Variants in PIP5K1B observed in about 807,000 individuals in gnomAD.
PIP5K1B encodes the protein phosphatidylinositol-4-phosphate 5-kinase type 1 beta.
In PIP5K1B, 42 loss-of-function variants were observed where a neutral mutation model predicts 67.0. The ratio of observed to expected loss-of-function variants is 0.63; its 90% CI spans 0.49 to 0.81. The LOEUF is 0.81. PIP5K1B is among the 30% of genes least tolerant of loss of function. The pLI is 0.00. For synonymous variants in PIP5K1B, 214 were observed against 231.4 expected (o/e 0.92, Z 0.68); for missense variants, 459 against 646.3 (o/e 0.71, Z 3.14).
intron 14 of PIP5K1B, chr9:68,963,358 CTGGGCGTGG>C (rs1828848855): frequency 5.2e-6 from 2 of 381,822 alleles, no homozygotes; most frequent in Non-Finnish European, 1.1e-5. Context: ...CAAACATTAG[CTGGGCGTGG>C]TGGTGCATGC....
chr9:68,932,959 G>A (rs1156834531), intron 12 of PIP5K1B, among the ~76,000 whole-genome samples: 2 of 152,042 alleles, frequency 1.3e-5, no homozygotes. Flanking sequence ...AATTAGCCAG[G>A]CATGGTGGCG....
At chr9:68,819,969 T>C (rs1833650751) in intron 3 of PIP5K1B, among the ~76,000 whole-genome samples, 1 of 152,216 alleles carries the variant, frequency 6.6e-6, no homozygotes, top group South Asian at 2.1e-4. Context: ...TTCCCTACTG[T>C]CAAGTCAGGG....
intron 5 of PIP5K1B, among the ~76,000 whole-genome samples, chr9:68,875,395 T>G (rs547249427): frequency 1.7e-4 from 25 of 147,370 alleles, no homozygotes; most frequent in African/African-American, 5.8e-4. Context: ...ACTTCCTAAA[T>G]AGTTTTCAAG....
chr9:68,923,367 A>G lies in PIP5K1B; in HGVS notation c.1182A>G (p.Arg394=). 6.3e-7 allele frequency: 1 copy of G among 1,583,044 alleles called. No individual in the cohort carries two copies. Among genetic ancestry groups the G allele is most frequent in the Non-Finnish European group, 8.6e-7 (1 of 1,158,202 alleles). The part of the protein sequence containing the change: ...ADRFLKFMNS[R]VFKKIQALKA... ...GATTTCTTAAGTTCATGAATTCCAG[A>G]GTTTTCAAGAAAATTCAAGGTAAGA... The change falls in exon 12 of 16, where the codon AGA becomes AGG. Residue 394 remains arginine (R), a synonymous_variant. Transcript: ENST00000265382.
chr9:68,900,170 A>T (rs1214344090), intron 8 of PIP5K1B, among the ~76,000 whole-genome samples: 3 of 152,134 alleles, frequency 2.0e-5, no homozygotes, highest in Non-Finnish European at 4.4e-5. Flanking sequence ...TCCACTGTTG[A>T]TGGGCATCTA....
At chr9:68,880,037 A>T (rs1449946449) in intron 6 of PIP5K1B, among the ~76,000 whole-genome samples, 1 of 152,140 alleles carries the variant, frequency 6.6e-6, no homozygotes, top group East Asian at 1.9e-4. Flanking sequence ...TATCTGACTT[A>T]CATCTCACTA....
chr9:68,749,667 A>C (rs879081170), intron 2 of PIP5K1B, among the ~76,000 whole-genome samples: 3 of 152,240 alleles, frequency 2.0e-5, no homozygotes, highest in Admixed American at 2.0e-4. Flanking sequence ...CTTTAAGTAC[A>C]GAGGTTAAGA....
intron 4 of PIP5K1B, among the ~76,000 whole-genome samples, chr9:68,840,926 C>T (rs1057224297): frequency 2.6e-5 from 4 of 152,220 alleles, no homozygotes; most frequent in Non-Finnish European, 5.9e-5. Flanking sequence ...CATATAATTT[C>T]ACAATGTCCT....
At chr9:68,961,079 G>A (rs570059414) in intron 14 of PIP5K1B, among the ~76,000 whole-genome samples, 8 of 152,028 alleles carry the variant, frequency 5.3e-5, no homozygotes, top group South Asian at 4.2e-4. Flanking sequence ...GCGCGGTGGC[G>A]GGCGCCTGTA....
intron 2 of PIP5K1B, among the ~76,000 whole-genome samples, chr9:68,757,036 A>G (rs1829960978): frequency 6.6e-6 from 1 of 152,210 alleles, no homozygotes; most frequent in Non-Finnish European, 1.5e-5. Flanking sequence ...GAAATACTTA[A>G]TCTGCATTTA....
intron 2 of PIP5K1B, among the ~76,000 whole-genome samples, chr9:68,761,217 A>C (rs1346537312): frequency 2.0e-5 from 3 of 152,098 alleles, no homozygotes; most frequent in Non-Finnish European, 4.4e-5. Flanking sequence ...AAATGGAATG[A>C]ATCTTGCATG....
chr9:68,877,652 G>A (rs1159863909), intron 6 of PIP5K1B, among the ~76,000 whole-genome samples: 2 of 152,134 alleles, frequency 1.3e-5, no homozygotes, highest in African/African-American at 2.4e-5. Context: ...TGCTTAATAT[G>A]CATCTTATAA....
At chr9:68,959,064 G>C (rs1828565999) in intron 14 of PIP5K1B, among the ~76,000 whole-genome samples, 1 of 152,142 alleles carries the variant, frequency 6.6e-6, no homozygotes, top group African/African-American at 2.4e-5. Flanking sequence ...TCATAGATTT[G>C]AATGACAGAA....
chr9:68,799,081 C>A (rs536190602), intron 2 of PIP5K1B, among the ~76,000 whole-genome samples: 14 of 152,284 alleles, frequency 9.2e-5, no homozygotes, highest in Non-Finnish European at 1.8e-4. Context: ...TTGTTTAGGA[C>A]CTATCTCTAA....
intron 5 of PIP5K1B, among the ~76,000 whole-genome samples, chr9:68,869,693 C>T (rs1823537536): frequency 6.6e-6 from 1 of 152,108 alleles, no homozygotes. Context: ...AAAAGATTGC[C>T]AAGGCTGGCT....
chr9:68,764,852 T>G (rs375051319), intron 2 of PIP5K1B, among the ~76,000 whole-genome samples: 1 of 152,100 alleles, frequency 6.6e-6, no homozygotes, highest in Non-Finnish European at 1.5e-5. Flanking sequence ...AAATTGTAAT[T>G]ACCTTGATTT....
chr9:68,879,030 A>G (rs1249014525), intron 6 of PIP5K1B, among the ~76,000 whole-genome samples: 1 of 152,156 alleles, frequency 6.6e-6, no homozygotes, highest in Non-Finnish European at 1.5e-5. Flanking sequence ...TTATTAAGAG[A>G]TAGGTCCAGG....
chr9:68,799,443 TGAGAAA>T (rs1198074399), intron 2 of PIP5K1B, among the ~76,000 whole-genome samples: 3 of 152,146 alleles, frequency 2.0e-5, no homozygotes, highest in African/African-American at 7.2e-5. Context: ...AAAGCAATCT[TGAGAAA>T]GAAGAGCAAA....
At position 68,853,135 on chromosome 9, in the gene PIP5K1B, G is replaced by A. The variant is rs535037389; in HGVS notation, c.70-10702G>A. 9.2e-5 allele frequency among the ~76,000 whole-genome samples: 14 copies of A among 152,270 alleles called. No homozygotes were observed. In the South Asian group the frequency reaches 1.2e-3, roughly 14 times the overall value. ...TGAGTCTGGCAGTCACATGGCAGGT[G>A]GAATGGAACACAGTGAGCAATCCAT... On this transcript the variant is annotated intron_variant, in intron 4 of 15. Coordinates refer to ENST00000265382, the MANE Select transcript of PIP5K1B (RefSeq NM_003558.4).
Sources: allele counts gnomAD v4.1 joint callset (sites outside exome capture counted in the v4.1 genomes callset), GRCh38; gene constraint gnomAD v4.1.1; transcripts MANE v1.5; gene names NCBI Gene and HGNC (gene_info 2026-07-23, HGNC 2026-07-21).